CPQ: variants seen among roughly 807,000 people sequenced by gnomAD.
CPQ encodes carboxypeptidase Q.
A neutral mutation model predicts 45.7 loss-of-function variants in CPQ; 37 were observed. That is an observed-to-expected ratio of 0.81 (90% CI 0.62 to 1.07). The LOEUF (loss-of-function observed/expected upper bound fraction) is 1.07, where lower values mean the gene tolerates loss of function less well. Among genes scored for constraint, CPQ ranks in the 50% least tolerant of loss-of-function variants. The probability of loss-of-function intolerance (pLI) is 0.00; values close to 1 mark genes in which losing one functional copy is unlikely to be tolerated. For synonymous variants in CPQ, 186 were observed against 205.8 expected (o/e 0.90, Z 0.82); for missense variants, 537 against 572.9 (o/e 0.94, Z 0.64).
intron 6 of CPQ, among the ~76,000 whole-genome samples, chr8:97,060,813 C>G (rs1202478178): frequency 6.6e-6 from 1 of 152,144 alleles, no homozygotes; most frequent in African/African-American, 2.4e-5. Flanking sequence ...AGTGTGTCCC[C>G]ACACATAGCA....
At chr8:96,923,972 A>G (rs910220141) in intron 4 of CPQ, among the ~76,000 whole-genome samples, 3 of 152,238 alleles carry the variant, frequency 2.0e-5, no homozygotes, top group African/African-American at 7.2e-5. Context: ...CATTTACTTC[A>G]GTCCTCACTG....
intron 6 of CPQ, among the ~76,000 whole-genome samples, chr8:97,040,266 C>G (rs1431803641): frequency 1.3e-5 from 2 of 152,222 alleles, no homozygotes; most frequent in East Asian, 3.9e-4. Flanking sequence ...TGTCTGTTTT[C>G]TGCATAAATG....
At chr8:96,696,701 A>G (rs980383456) in intron 1 of CPQ, among the ~76,000 whole-genome samples, 1 of 152,120 alleles carries the variant, frequency 6.6e-6, no homozygotes, top group African/African-American at 2.4e-5. Context: ...AACCAATACC[A>G]CAGAAATTCA....
In CPQ at chr8:96,835,000, C is replaced by G; in HGVS notation, c.461C>G (p.Thr154Ser). ...EGITAEVLVV[T>S]SFDELQRRAS... Reference sequence around the variant, plus strand: ...ATTACAGCAGAAGTTCTGGTGGTGACCTCTTTCGATGAACTGCAGAGAAGG... The same window carrying G: ...ATTACAGCAGAAGTTCTGGTGGTGAGCTCTTTCGATGAACTGCAGAGAAGG... The change falls in exon 3 of 8, where the codon ACC becomes AGC. Residue 154 changes from threonine to serine, a missense_variant. By Grantham distance (58) the Thr-to-Ser change is moderately conservative (BLOSUM62 1). Transcript: ENST00000220763. The G allele has an allele frequency of 1.2e-6, 2 of 1,613,278 alleles. No homozygotes were observed. Among genetic ancestry groups the G allele is most frequent in the Non-Finnish European group, 1.7e-6 (2 of 1,179,650 alleles).
chr8:96,695,864 AT>A (rs1809372957), intron 1 of CPQ, among the ~76,000 whole-genome samples: 1 of 150,128 alleles, frequency 6.7e-6, no homozygotes, highest in Non-Finnish European at 1.5e-5. Context: ...TAGTTCAACC[AT>A]TGTGGAAGTC....
intron 6 of CPQ, among the ~76,000 whole-genome samples, chr8:97,041,176 G>A (rs1057230308): frequency 6.6e-6 from 1 of 152,152 alleles, no homozygotes; most frequent in African/African-American, 2.4e-5. Context: ...GGGGTTTGTA[G>A]TTCTCCTTGA....
intron 4 of CPQ, among the ~76,000 whole-genome samples, chr8:96,958,688 A>G (rs992251220): frequency 2.6e-5 from 4 of 152,114 alleles, no homozygotes; most frequent in Non-Finnish European, 5.9e-5. Flanking sequence ...TTTTATCCTG[A>G]GCTATCAGTC....
rs188783664 is a variant in CPQ at position 96,656,986 on chromosome 8, C to T, written c.-35+11584C>T. 4.8e-4 allele frequency among the ~76,000 whole-genome samples: 73 copies of T among 151,494 alleles called. 1 individual carries two copies. The highest frequency in any genetic ancestry group is 7.2e-4 in the Admixed American group (11 of 15,226). The stretch of plus-strand genomic sequence containing the variant: ...GCTTTCTGGGAAGTGTCTCAGAATG[C>T]TAGGGAGCTGGATGTCTAGAAACTC... On this transcript the variant is annotated intron_variant, in intron 1 of 7. Coordinates refer to ENST00000220763, the MANE Select transcript of CPQ (RefSeq NM_016134.4).
At chr8:97,081,228 G>A (rs952270620) in intron 7 of CPQ, among the ~76,000 whole-genome samples, 3 of 152,074 alleles carry the variant, frequency 2.0e-5, no homozygotes, top group African/African-American at 7.2e-5. Flanking sequence ...GTGCACTGCA[G>A]AAATAAAGCC....
chr8:97,028,726 G>T (rs941484990), intron 5 of CPQ, among the ~76,000 whole-genome samples: 1 of 152,140 alleles, frequency 6.6e-6, no homozygotes, highest in South Asian at 2.1e-4. Flanking sequence ...ATAAGTCCAG[G>T]ATACAAATTT....
chr8:96,727,200 A>G (rs921817508), intron 1 of CPQ, among the ~76,000 whole-genome samples: 3 of 152,194 alleles, frequency 2.0e-5, no homozygotes, highest in African/African-American at 4.8e-5. Context: ...GTAATACCAA[A>G]TCATTTTCTA....
intron 6 of CPQ, chr8:97,055,643 A>T (rs1261666551): frequency 1.3e-5 from 2 of 152,238 alleles, no homozygotes; most frequent in Admixed American, 1.3e-4. Flanking sequence ...AAGTTGTCGG[A>T]GAGTAAGTCT....
chr8:96,931,803 T>C (rs1474869791), intron 4 of CPQ, among the ~76,000 whole-genome samples: 1 of 152,192 alleles, frequency 6.6e-6, no homozygotes, highest in Non-Finnish European at 1.5e-5. Context: ...GTACTTCATT[T>C]GGTAGGGCTG....
intron 1 of CPQ, among the ~76,000 whole-genome samples, chr8:96,680,213 A>G (rs774632893): frequency 1.2e-4 from 18 of 152,036 alleles, no homozygotes; most frequent in Non-Finnish European, 2.4e-4. Context: ...ACCTTCATAT[A>G]TTTGTACAGT....
At chr8:96,660,889 C>T (rs1815693662) in intron 1 of CPQ, among the ~76,000 whole-genome samples, 1 of 152,054 alleles carries the variant, frequency 6.6e-6, no homozygotes, top group African/African-American at 2.4e-5. Flanking sequence ...CAGAGATAAT[C>T]CTGCAATACT....
rs1245887201 is a variant in CPQ at position 97,143,251 on chromosome 8, C to T, written c.*68C>T. ...CCTGGGTCTGCAACTTTGGAAAACT[C>T]CTCTTCACATAACAATTTCATCCAA... On this transcript the variant is annotated 3_prime_UTR_variant, in exon 8 of 8. Transcript: ENST00000220763. The T allele has an allele frequency of 1.4e-6, 2 of 1,446,906 alleles. No homozygotes were observed. Among genetic ancestry groups the T allele is most frequent in the Non-Finnish European group, 1.9e-6 (2 of 1,045,782 alleles). The allele number at this position is 1,446,906 out of a possible 1,614,324, so 89.6% of individuals were successfully genotyped here. A position where few individuals can be genotyped will look rare whatever the true frequency, so the allele number is the denominator to read the frequency against.
At chr8:96,751,343 A>G (rs1810256070) in intron 1 of CPQ, among the ~76,000 whole-genome samples, 1 of 152,180 alleles carries the variant, frequency 6.6e-6, no homozygotes, top group Non-Finnish European at 1.5e-5. Flanking sequence ...ATTGCATAAG[A>G]TGGTATTTCA....
intron 3 of CPQ, among the ~76,000 whole-genome samples, chr8:96,854,359 G>A (rs1378768042): frequency 1.3e-5 from 2 of 150,192 alleles, no homozygotes; most frequent in African/African-American, 2.5e-5. Context: ...GTGAAACCCC[G>A]TCTCTACTAA....
intron 1 of CPQ, among the ~76,000 whole-genome samples, chr8:96,707,236 C>T (rs1809541975): frequency 1.3e-5 from 2 of 152,004 alleles, no homozygotes; most frequent in Admixed American, 1.3e-4. Context: ...ATGCACTGCC[C>T]AATACAGTGG....
Sources: allele counts gnomAD v4.1 joint callset (sites outside exome capture counted in the v4.1 genomes callset), GRCh38; gene constraint gnomAD v4.1.1; transcripts MANE v1.5; gene names NCBI Gene and HGNC (gene_info 2026-07-23, HGNC 2026-07-21).